PMFBP1: variants seen among roughly 807,000 people sequenced by gnomAD.
PMFBP1 encodes polyamine modulated factor 1 binding protein 1.
A neutral mutation model predicts 137.8 loss-of-function variants in PMFBP1; 131 were observed. The ratio of observed to expected loss-of-function variants is 0.95; its 90% confidence interval spans 0.82 to 1.10. PMFBP1 has a LOEUF of 1.10. Among genes scored for constraint, PMFBP1 ranks in the 50% least tolerant of loss-of-function variants. The pLI is 0.00. For missense variants in PMFBP1, 1,199 were observed against 1,175.4 expected, an observed-to-expected ratio of 1.02 and a Z score of -0.29; for synonymous variants, 490 against 450.4, an observed-to-expected ratio of 1.09 and a Z score of -1.11.
chr16:72,161,461 C>A (rs918120895), intron 3 of PMFBP1, among the ~76,000 whole-genome samples: 1 of 152,044 alleles, frequency 6.6e-6, no homozygotes, highest in Non-Finnish European at 1.5e-5. Flanking sequence ...ACTAGCAGAG[C>A]ATAGAACTGT....
upstream of PMFBP1, among the ~76,000 whole-genome samples, chr16:72,175,374 A>C (rs1468926579): frequency 1.3e-5 from 2 of 152,222 alleles, no homozygotes; most frequent in African/African-American, 2.4e-5. Flanking sequence ...TTAGCAGGCC[A>C]GGATGTGAAA....
chr16:72,210,976 G>A, the PMFBP1 span, among the ~76,000 whole-genome samples: 7 of 152,296 alleles, frequency 4.6e-5, no homozygotes, highest in Admixed American at 4.6e-4. Context: ...CTGCCAAGTG[G>A]ATTCTTTGCT....
In PMFBP1 at chr16:72,128,695, T is replaced by C. The variant is rs1227634010; in HGVS notation, c.2050A>G (p.Asn684Asp). The part of the protein sequence containing the change: ...TQLESSLNKY[N>D]TSQQVIQDLN... ...TCTTGGATGACTTGCTGGCTGGTGT[T>C]GTATTTGTTGAGAGAGGATTCCAGT... Residue 684 changes from asparagine to aspartate, a missense_variant, in exon 14 of 21, where the codon AAC becomes GAC. Physicochemically the swap from Asn to Asp is conservative, Grantham distance 23. Coordinates refer to ENST00000237353, the MANE Select transcript of PMFBP1 (RefSeq NM_031293.3). 2 of 1,614,186 alleles carry C rather than the reference T, an allele frequency of 1.2e-6. No homozygotes were observed. Among genetic ancestry groups the C allele is most frequent in the Admixed American group, 3.3e-5 (2 of 60,026 alleles).
chr16:72,180,959 C>T (rs12325266), upstream of PMFBP1, among the ~76,000 whole-genome samples: 58,975 of 151,986 alleles, frequency 0.39, 11,588 homozygotes, highest in South Asian at 0.58. Context: ...ATTAAATACT[C>T]GCCGGGAGCG....
chr16:72,241,571 C>T, the PMFBP1 span, among the ~76,000 whole-genome samples: 1 of 152,122 alleles, frequency 6.6e-6, no homozygotes, highest in African/African-American at 2.4e-5. Context: ...CCGAGGGTTT[C>T]CAGTATCTCC....
chr16:72,135,980 C>T (rs1035540408), intron 9 of PMFBP1, among the ~76,000 whole-genome samples: 2 of 151,790 alleles, frequency 1.3e-5, no homozygotes, highest in Admixed American at 6.6e-5. Context: ...GTCTCAAACT[C>T]CTGGGCTCAA....
the PMFBP1 span, among the ~76,000 whole-genome samples, chr16:72,245,093 C>G: frequency 6.6e-6 from 1 of 152,118 alleles, no homozygotes; most frequent in Non-Finnish European, 1.5e-5. Context: ...GCAGTTTTCT[C>G]CTAGGGCTAA....
At chr16:72,193,492 T>C in the PMFBP1 span, among the ~76,000 whole-genome samples, 1 of 152,188 alleles carries the variant, frequency 6.6e-6, no homozygotes, top group Non-Finnish European at 1.5e-5. Flanking sequence ...ATTATCATTA[T>C]TGCTTATCTG....
chr16:72,182,035 C>G, the PMFBP1 span, among the ~76,000 whole-genome samples: 1 of 152,212 alleles, frequency 6.6e-6, no homozygotes, highest in Non-Finnish European at 1.5e-5. Flanking sequence ...GGGCCACATT[C>G]GGAGCTGTCT....
At chr16:72,226,170 C>T in the PMFBP1 span, among the ~76,000 whole-genome samples, 41 of 152,236 alleles carry the variant, frequency 2.7e-4, 1 homozygote, top group African/African-American at 8.2e-4. Flanking sequence ...ATCCAACTGG[C>T]CCAGGCTTTG....
At position 72,124,757 on chromosome 16, in the gene PMFBP1, G is replaced by T; in HGVS notation, c.2589+10C>A. On this transcript the variant is annotated intron_variant, in intron 17 of 20. Transcript: ENST00000237353. ...TGAGAGGAGGCACGCAGAAGCCAAGGCATGCCCACCTCCTTATCGTCCTCA... is the reference window on the plus strand; with the variant it reads ...TGAGAGGAGGCACGCAGAAGCCAAGTCATGCCCACCTCCTTATCGTCCTCA... The T allele has an allele frequency of 6.2e-7, 1 of 1,611,844 alleles. No homozygotes were observed. The highest frequency in any genetic ancestry group is 1.3e-5 in the African/African-American group (1 of 75,020).
At position 72,126,321 on chromosome 16, in the gene PMFBP1, C is replaced by A. The variant is rs1032880641; in HGVS notation, c.2089-189G>T. Among the ~76,000 whole-genome samples, 4 of 152,196 alleles carry A rather than the reference C, an allele frequency of 2.6e-5. No individual in the cohort carries two copies. In the East Asian group the frequency reaches 7.7e-4, roughly 29 times the overall value. On this transcript the variant is annotated intron_variant, in intron 14 of 20. Coordinates refer to ENST00000237353, the MANE Select transcript of PMFBP1 (RefSeq NM_031293.3). ...AGCTGTCTTTCCAGGCTCTTTTGCA[C>A]CCCTCAGCCACATCTCTCTTTCTAG...
At chr16:72,239,564 T>A in the PMFBP1 span, among the ~76,000 whole-genome samples, 2 of 152,142 alleles carry the variant, frequency 1.3e-5, no homozygotes, top group Non-Finnish European at 2.9e-5. Context: ...TACAATCATG[T>A]CTGGTTTATC....
At chr16:72,159,662 T>C (rs2043032532) in intron 3 of PMFBP1, among the ~76,000 whole-genome samples, 1 of 152,230 alleles carries the variant, frequency 6.6e-6, no homozygotes. Context: ...ACCAGTTAAA[T>C]TTCTACTTAT....
upstream of PMFBP1, among the ~76,000 whole-genome samples, chr16:72,177,695 C>G (rs1481898813): frequency 2.0e-5 from 3 of 152,164 alleles, no homozygotes; most frequent in Admixed American, 6.5e-5. Flanking sequence ...GTTAGGATGT[C>G]ACCAGTTTTT....
At chr16:72,175,080 C>G (rs760258759), upstream of PMFBP1, among the ~76,000 whole-genome samples, 8 of 152,204 alleles carry the variant, frequency 5.3e-5, no homozygotes, top group Non-Finnish European at 1.0e-4. Context: ...GTCCTATCAG[C>G]ATTCTATCTT....
chr16:72,159,283 C>G (rs532562552), intron 3 of PMFBP1, among the ~76,000 whole-genome samples: 19 of 152,324 alleles, frequency 1.2e-4, no homozygotes, highest in Admixed American at 2.6e-4. Context: ...GGTCTTAAAG[C>G]TTCTGGTGGG....
At position 72,136,694 on chromosome 16, in the gene PMFBP1, C is replaced by T. The variant is rs112724726; in HGVS notation, c.1044G>A (p.Lys348=). The T allele has an allele frequency of 3.7e-6, 6 of 1,614,052 alleles. No homozygotes were observed. Among genetic ancestry groups the T allele is most frequent in the Non-Finnish European group, 5.1e-6 (6 of 1,180,038 alleles). Residue 348 remains lysine (K), a splice_region_variant and synonymous_variant, in exon 8 of 21, where the codon AAG becomes AAA. Coordinates refer to ENST00000237353, the MANE Select transcript of PMFBP1 (RefSeq NM_031293.3). ...AVSEQKRNIM[K]DMMKLELDLH... The stretch of plus-strand genomic sequence containing the variant: ...CCACAGCCTGCAGCCCCAGTTTACC[C>T]TTCATGATGTTTCTCTTCTGTTCCG...
At chr16:72,178,432 CA>C (rs1351699527), upstream of PMFBP1, among the ~76,000 whole-genome samples, 2 of 152,170 alleles carry the variant, frequency 1.3e-5, no homozygotes, top group African/African-American at 4.8e-5. Flanking sequence ...CTATCTTTAG[CA>C]AGGTGGATCT....
Sources: gnomAD v4.1 joint callset for allele counts (sites outside exome capture counted in the v4.1 genomes callset) on GRCh38, gnomAD v4.1.1 for gene constraint, MANE v1.5 for transcripts, NCBI Gene and HGNC (gene_info 2026-07-23, HGNC 2026-07-21) for gene names.